Variants in CDC42SE2 observed in about 807,000 individuals in gnomAD.
CDC42SE2 encodes the protein CDC42 small effector protein 2.
In CDC42SE2, 3 loss-of-function variants were observed where a neutral mutation model predicts 11.5. The ratio of observed to expected loss-of-function variants is 0.26; its 90% confidence interval spans 0.12 to 0.67. The LOEUF (loss-of-function observed/expected upper bound fraction) is 0.67, where lower values mean the gene tolerates loss of function less well. CDC42SE2 is among the 30% of genes least tolerant of loss of function. The pLI, the probability that CDC42SE2 is intolerant of heterozygous loss-of-function variation, is 0.80. For missense variants in CDC42SE2, 82 were observed against 106.8 expected, an observed-to-expected ratio of 0.77 and a Z score of 1.02; for synonymous variants, 33 against 34.8, an observed-to-expected ratio of 0.95 and a Z score of 0.18.
At chr5:131,389,091 C>T (rs577973764) in intron 4 of CDC42SE2, among the ~76,000 whole-genome samples, 2 of 152,308 alleles carry the variant, frequency 1.3e-5, no homozygotes, top group African/African-American at 4.8e-5. Flanking sequence ...CTACTTCGAA[C>T]TCCCATAGTG....
intron 1 of CDC42SE2, among the ~76,000 whole-genome samples, chr5:131,307,746 A>G (rs1205028937): frequency 6.6e-6 from 1 of 152,138 alleles, no homozygotes; most frequent in African/African-American, 2.4e-5. Context: ...CTGACTTTTT[A>G]ATGATTACCA....
At chr5:131,345,578 G>A (rs1408468231) in intron 2 of CDC42SE2, among the ~76,000 whole-genome samples, 5 of 152,286 alleles carry the variant, frequency 3.3e-5, no homozygotes, top group African/African-American at 1.2e-4. Flanking sequence ...ACACTCTGCA[G>A]GGTATTATTC....
intron 1 of CDC42SE2, among the ~76,000 whole-genome samples, chr5:131,290,571 C>T (rs2149708796): frequency 6.6e-6 from 1 of 151,212 alleles, no homozygotes; most frequent in Non-Finnish European, 1.5e-5. Flanking sequence ...CTCCACCTCC[C>T]AGGGCTCAAA....
At chr5:131,343,853 T>G (rs918871319) in intron 2 of CDC42SE2, among the ~76,000 whole-genome samples, 25 of 152,160 alleles carry the variant, frequency 1.6e-4, no homozygotes, top group African/African-American at 5.8e-4. Context: ...GGAGAAGAAA[T>G]GTGGATATTA....
chr5:131,264,816 TA>T (rs1171087448), intron 1 of CDC42SE2, among the ~76,000 whole-genome samples: 1 of 152,220 alleles, frequency 6.6e-6, no homozygotes, highest in Non-Finnish European at 1.5e-5. Flanking sequence ...GATGCCGCAT[TA>T]ACAGCTGAAA....
chr5:131,253,382 C>G (rs557267589), intron 1 of CDC42SE2, among the ~76,000 whole-genome samples: 2 of 152,210 alleles, frequency 1.3e-5, no homozygotes, highest in Non-Finnish European at 2.9e-5. Context: ...GAAATCCCTA[C>G]TACCTACTAT....
At chr5:131,282,929 CT>C (rs767091920) in intron 1 of CDC42SE2, among the ~76,000 whole-genome samples, 1,929 of 127,020 alleles carry the variant, frequency 0.015, 21 homozygotes, top group African/African-American at 0.036. Flanking sequence ...GCACCTGGCC[CT>C]TTTTTTTTTT....
At chr5:131,305,041 C>G (rs1757753347) in intron 1 of CDC42SE2, among the ~76,000 whole-genome samples, 1 of 152,098 alleles carries the variant, frequency 6.6e-6, no homozygotes, top group South Asian at 2.1e-4. Context: ...ACCCACATTC[C>G]TAGGAGATTA....
the CDC42SE2 span, among the ~76,000 whole-genome samples, chr5:131,220,018 T>C: frequency 6.6e-6 from 1 of 152,206 alleles, no homozygotes; most frequent in Non-Finnish European, 1.5e-5. Flanking sequence ...TGATTACTTC[T>C]GCTTGTAATC....
chr5:131,229,334 A>G, the CDC42SE2 span, among the ~76,000 whole-genome samples: 1 of 152,096 alleles, frequency 6.6e-6, no homozygotes, highest in Non-Finnish European at 1.5e-5. Context: ...TTTATTTAAT[A>G]TAAACTGAAC....
chr5:131,368,215 T>G (rs1749915204), intron 3 of CDC42SE2, among the ~76,000 whole-genome samples: 1 of 139,024 alleles, frequency 7.2e-6, no homozygotes, highest in Non-Finnish European at 1.5e-5. Context: ...ATTGCGCCAC[T>G]GCACTCCAGC....
chr5:131,361,805 C>T (rs1375953131), intron 3 of CDC42SE2, among the ~76,000 whole-genome samples: 1 of 152,122 alleles, frequency 6.6e-6, no homozygotes, highest in East Asian at 1.9e-4. Context: ...TTAACTGCCC[C>T]GGCCAAACTC....
At chr5:131,342,392 T>TC (rs1242260603) in intron 2 of CDC42SE2, among the ~76,000 whole-genome samples, 1 of 142,588 alleles carries the variant, frequency 7.0e-6, no homozygotes, top group East Asian at 2.0e-4. Context: ...AATAGTCTTT[T>TC]TTTTTTTTTT....
intron 2 of CDC42SE2, among the ~76,000 whole-genome samples, chr5:131,356,787 A>T (rs1749561614): frequency 6.6e-6 from 1 of 152,158 alleles, no homozygotes; most frequent in Non-Finnish European, 1.5e-5. Context: ...ACACATCTGT[A>T]GTCCCAGCTA....
intron 4 of CDC42SE2, among the ~76,000 whole-genome samples, chr5:131,389,766 G>C (rs1435000443): frequency 6.6e-6 from 1 of 152,126 alleles, no homozygotes; most frequent in Non-Finnish European, 1.5e-5. Context: ...CCAAATTGTG[G>C]AAGTGTGCAG....
At chr5:131,285,105 TA>T (rs1006640113) in intron 1 of CDC42SE2, among the ~76,000 whole-genome samples, 9 of 146,178 alleles carry the variant, frequency 6.2e-5, no homozygotes, top group Non-Finnish European at 1.4e-4. Context: ...TTGGACAACA[TA>T]AAAAAACCCT....
intron 1 of CDC42SE2, among the ~76,000 whole-genome samples, chr5:131,294,631 G>A (rs1034236703): frequency 6.6e-6 from 1 of 152,174 alleles, no homozygotes; most frequent in Non-Finnish European, 1.5e-5. Flanking sequence ...GACTACTAGG[G>A]TAGGGAACAG....
intron 1 of CDC42SE2, among the ~76,000 whole-genome samples, chr5:131,305,208 G>A (rs187373389): frequency 2.0e-5 from 3 of 152,190 alleles, no homozygotes; most frequent in African/African-American, 7.2e-5. Flanking sequence ...CTTTTTTATT[G>A]AGAGTAGTGT....
At chr5:131,310,278 G>A (rs965154058) in intron 1 of CDC42SE2, among the ~76,000 whole-genome samples, 8 of 151,802 alleles carry the variant, frequency 5.3e-5, no homozygotes, top group Non-Finnish European at 1.0e-4. Flanking sequence ...TCTTAATCCT[G>A]AGTTCTAGTT....
Sources: gnomAD v4.1 joint callset for allele counts (sites outside exome capture counted in the v4.1 genomes callset) on GRCh38, gnomAD v4.1.1 for gene constraint, MANE v1.5 for transcripts, NCBI Gene and HGNC (gene_info 2026-07-23, HGNC 2026-07-21) for gene names.